LRRTM4: variants seen among roughly 807,000 people sequenced by gnomAD.
LRRTM4 encodes leucine-rich repeat transmembrane neuronal protein 4.
LRRTM4 carries 25 observed loss-of-function variants against 47.6 expected under a neutral mutation model. That is an observed-to-expected ratio of 0.53 (90% CI 0.38 to 0.73). LRRTM4 has a LOEUF of 0.73. LRRTM4 is among the 30% of genes least tolerant of loss of function. LRRTM4 has a pLI of 0.00. For synonymous variants in LRRTM4, 311 were observed against 269.5 expected (o/e 1.15, Z -1.51); for missense variants, 638 against 713.4 (o/e 0.89, Z 1.20).
At chr2:76,947,347 C>T (rs1180386497) in intron 3 of LRRTM4, among the ~76,000 whole-genome samples, 1 of 151,794 alleles carries the variant, frequency 6.6e-6, no homozygotes, top group Non-Finnish European at 1.5e-5. Flanking sequence ...ATTTGATAGG[C>T]TGCATAACTT....
At chr2:76,853,857 A>T (rs998092855) in intron 3 of LRRTM4, among the ~76,000 whole-genome samples, 3 of 152,310 alleles carry the variant, frequency 2.0e-5, no homozygotes, top group African/African-American at 7.2e-5. Flanking sequence ...CTAATCTACT[A>T]TGTGTGATGT....
chr2:77,498,299 A>T (rs17648803), intron 3 of LRRTM4, among the ~76,000 whole-genome samples: 31,017 of 151,652 alleles, frequency 0.2, 3,619 homozygotes, highest in Middle Eastern at 0.3. Context: ...AGAGCATGTC[A>T]TCTAAAAAAC....
At position 77,125,192 on chromosome 2, in the gene LRRTM4, G is replaced by A. The variant is rs191668842; in HGVS notation, c.1552-376276C>T. Among the ~76,000 whole-genome samples, 921 of 152,274 alleles carry A rather than the reference G, an allele frequency of 6.0e-3. 4 individuals are homozygous for A. The highest frequency in any genetic ancestry group is 9.6e-3 in the Non-Finnish European group (655 of 68,010). The stretch of plus-strand genomic sequence containing the variant: ...CTGCTGGAGTTCTAGCTGTCTTAGT[G>A]GATCACAAGCTTCTGTCTTCACAAA... On this transcript the variant is annotated intron_variant, in intron 3 of 3. Transcript: ENST00000409884.
chr2:77,097,450 T>G (rs1670840359), intron 3 of LRRTM4, among the ~76,000 whole-genome samples: 2 of 152,020 alleles, frequency 1.3e-5, no homozygotes, highest in Admixed American at 6.5e-5. Flanking sequence ...AAATTAAGCT[T>G]GTGCCAATCC....
At chr2:77,017,710 A>G (rs1678117761) in intron 3 of LRRTM4, among the ~76,000 whole-genome samples, 1 of 152,196 alleles carries the variant, frequency 6.6e-6, no homozygotes, top group African/African-American at 2.4e-5. Flanking sequence ...TCATTACGAT[A>G]TCTAAAAGAA....
chr2:77,190,291 CTTTTT>C (rs143873795), intron 3 of LRRTM4, among the ~76,000 whole-genome samples: 9 of 103,902 alleles, frequency 8.7e-5, no homozygotes, highest in Admixed American at 2.2e-4. Context: ...GCATTTTCAT[CTTTTT>C]TTTTTTTTTT....
intron 3 of LRRTM4, among the ~76,000 whole-genome samples, chr2:77,436,567 A>C (rs1675607678): frequency 2.0e-5 from 3 of 152,114 alleles, no homozygotes; most frequent in Non-Finnish European, 4.4e-5. Flanking sequence ...TTTATTATAG[A>C]ATCCATTACC....
intron 3 of LRRTM4, among the ~76,000 whole-genome samples, chr2:77,030,569 A>T (rs1573473700): frequency 6.6e-6 from 1 of 152,314 alleles, no homozygotes; most frequent in East Asian, 1.9e-4. Context: ...TACTTCCAGA[A>T]TTTATAGAGG....
chr2:76,973,835 A>G (rs77952675), intron 3 of LRRTM4, among the ~76,000 whole-genome samples: 2,677 of 151,984 alleles, frequency 0.018, 67 homozygotes, highest in African/African-American at 0.057. Flanking sequence ...ATCATTTGTC[A>G]TTTATTCTGT....
At chr2:76,851,629 T>C (rs1671997708) in intron 3 of LRRTM4, among the ~76,000 whole-genome samples, 1 of 152,056 alleles carries the variant, frequency 6.6e-6, no homozygotes, top group Admixed American at 6.6e-5. Flanking sequence ...TTGCTTGACC[T>C]CCCCAGGGCT....
rs150311346 is a variant in LRRTM4 at position 76,849,470 on chromosome 2, C to T, written c.1552-100554G>A. ...TGGGGGGAAAATTATATAAAATATA[C>T]TCCCTCAGAACAAATTGTCAAAAAT... On this transcript the variant is annotated intron_variant, in intron 3 of 3. Coordinates refer to ENST00000409884, the MANE Select transcript of LRRTM4 (RefSeq NM_001134745.3). Among the ~76,000 whole-genome samples the T allele has an allele frequency of 1.2e-4, 18 of 152,090 alleles. No individual in the cohort carries two copies. The East Asian group carries it at 3.5e-3, about 29-fold the overall frequency.
At chr2:76,890,861 A>C (rs1379496221) in intron 3 of LRRTM4, among the ~76,000 whole-genome samples, 8 of 151,934 alleles carry the variant, frequency 5.3e-5, no homozygotes, top group Non-Finnish European at 5.9e-5. Context: ...AGAGGGTTAG[A>C]CAGAGATGGT....
At chr2:76,850,255 C>T (rs1391871800) in intron 3 of LRRTM4, among the ~76,000 whole-genome samples, 1 of 152,042 alleles carries the variant, frequency 6.6e-6, no homozygotes, top group Non-Finnish European at 1.5e-5. Context: ...CAATTATTAA[C>T]ATTTTTTCTG....
intron 3 of LRRTM4, among the ~76,000 whole-genome samples, chr2:77,119,252 CT>C (rs898182122): frequency 2.6e-5 from 4 of 151,848 alleles, no homozygotes; most frequent in African/African-American, 9.7e-5. Flanking sequence ...TACTTTCTTC[CT>C]TTTCCTTCTG....
At chr2:77,364,993 T>G (rs1380812644) in intron 3 of LRRTM4, among the ~76,000 whole-genome samples, 1 of 152,022 alleles carries the variant, frequency 6.6e-6, no homozygotes, top group Non-Finnish European at 1.5e-5. Context: ...CTTTTATAGA[T>G]TCCATCAACT....
chr2:77,218,096 A>G (rs1297727570), intron 3 of LRRTM4, among the ~76,000 whole-genome samples: 2 of 152,104 alleles, frequency 1.3e-5, no homozygotes, highest in Non-Finnish European at 2.9e-5. Flanking sequence ...TCAGGTTCAA[A>G]CAATTCTTCT....
chr2:76,976,413 A>T (rs1001885612), intron 3 of LRRTM4, among the ~76,000 whole-genome samples: 2 of 151,522 alleles, frequency 1.3e-5, no homozygotes, highest in African/African-American at 2.4e-5. Flanking sequence ...ACATTTCATT[A>T]AAAAAAATAA....
intron 3 of LRRTM4, among the ~76,000 whole-genome samples, chr2:77,449,270 T>C (rs1357444403): frequency 6.6e-6 from 1 of 152,196 alleles, no homozygotes; most frequent in South Asian, 2.1e-4. Context: ...CGCAGGTTCA[T>C]TGGCATAAGC....
chr2:77,168,291 G>C (rs1158587429), intron 3 of LRRTM4, among the ~76,000 whole-genome samples: 2 of 151,456 alleles, frequency 1.3e-5, no homozygotes, highest in Non-Finnish European at 2.9e-5. Context: ...ACATATTTTA[G>C]AAAATATTTT....
Sources: gnomAD v4.1 joint callset for allele counts (sites outside exome capture counted in the v4.1 genomes callset) on GRCh38, gnomAD v4.1.1 for gene constraint, MANE v1.5 for transcripts, NCBI Gene and HGNC (gene_info 2026-07-23, HGNC 2026-07-21) for gene names.